The following PARP1 variants were observed in gnomAD, a reference collection of about 807,000 sequenced individuals.
PARP1 encodes the protein poly [ADP-ribose] polymerase 1.
Under a neutral mutation model 118.7 loss-of-function variants are expected in PARP1, and 44 were observed. That is an observed-to-expected ratio of 0.37 (90% CI 0.29 to 0.48). The LOEUF is 0.48. PARP1 is among the 20% of genes least tolerant of loss of function. The probability of loss-of-function intolerance (pLI) is 0.99; values close to 1 mark genes in which losing one functional copy is unlikely to be tolerated. For synonymous variants in PARP1, 492 were observed against 483.2 expected (o/e 1.02, Z -0.24); for missense variants, 1,100 against 1,272.4 (o/e 0.86, Z 2.06).
rs142376976 is a variant in PARP1, at chr1:226,390,577, C to A, written c.450G>T (p.Gln150His). 5.0e-4 allele frequency: 810 copies of A among 1,614,100 alleles called. 1 individual carries two copies. Among genetic ancestry groups the A allele is most frequent in the Non-Finnish European group, 6.6e-4 (783 of 1,180,046 alleles). Residue 150 changes from glutamine to histidine, a missense_variant, in exon 4 of 23, where the codon CAG becomes CAT. This residue lies in a region of PARP1 where 948 missense variants were observed against 1,031.8 expected (regional missense o/e 0.92). Transcript: ENST00000366794. ...GGTACCAGCGGTCAATCATGCCTAG[C>A]TGTGGCTTCTCCGGGTCCACCATCT... is the stretch of plus-strand genomic sequence containing the variant. ...SKKMVDPEKP[Q>H]LGMIDRWYHP...
chr1:226,367,398 G>C, intron 17 of PARP1, 82 bp downstream of exon 17: 1 of 1,524,492 alleles, frequency 6.6e-7, no homozygotes, highest in Non-Finnish European at 9.1e-7. Context: ...CTTTCCAGGA[G>C]ATCCTAACAC....
intron 7 of PARP1, among the ~76,000 whole-genome samples, chr1:226,384,430 C>A (rs930163750): frequency 2.6e-5 from 4 of 152,228 alleles, no homozygotes; most frequent in African/African-American, 9.6e-5. Flanking sequence ...CAAGCACTGC[C>A]AGACCAAAAA....
chr1:226,373,528 C>T (rs1206088479), intron 14 of PARP1, among the ~76,000 whole-genome samples: 2 of 152,050 alleles, frequency 1.3e-5, no homozygotes, highest in East Asian at 1.9e-4. Context: ...ATCTCCCGGG[C>T]GGAGAGCGGA....
chr1:226,366,856 C>T (rs1664278395), intron 17 of PARP1: 1 of 165,218 alleles, frequency 6.1e-6, no homozygotes, highest in African/African-American at 2.4e-5. Context: ...CCCACCCAAA[C>T]CCCTGCAACA....
At position 226,367,575 on chromosome 1, in the gene PARP1, T is replaced by C; in HGVS notation, c.2311A>G (p.Ile771Val). Residue 771 changes from isoleucine to valine, a missense_variant, in exon 17 of 23, where the codon ATC (isoleucine) becomes GTC (valine). Physicochemically the swap from Ile to Val is conservative, Grantham distance 29. Transcript: ENST00000366794. ...KVEMLDNLLD[I>V]EVAYSLLRGG... is the part of the protein sequence containing the mutation. ...CTGAGCAGACTGTAGGCCACCTCGATGTCCAGCAGGTTGTCAAGCATTTCC... is the reference window on the plus strand; with the variant it reads ...CTGAGCAGACTGTAGGCCACCTCGACGTCCAGCAGGTTGTCAAGCATTTCC... The C allele has an allele frequency of 6.2e-7, 1 of 1,614,182 alleles. No individual in the cohort carries two copies.
intron 3 of PARP1, 148 bp from the exon 4 acceptor site, chr1:226,390,772 G>A (rs1664808563): frequency 5.5e-6 from 4 of 733,276 alleles, no homozygotes; most frequent in South Asian, 3.0e-5. Context: ...CTTTTGAGAG[G>A]TTTAGCTCTC....
intron 12 of PARP1, among the ~76,000 whole-genome samples, chr1:226,377,904 T>TTG (rs1664526928): frequency 6.6e-6 from 1 of 152,018 alleles, no homozygotes; most frequent in Non-Finnish European, 1.5e-5. Context: ...CAACACTTAA[T>TTG]TGTCATTTCA....
chr1:226,367,690 T>G (rs1664299622), intron 16 of PARP1, 82 bp from the exon 17 acceptor site: 1 of 1,522,402 alleles, frequency 6.6e-7, no homozygotes, highest in Admixed American at 1.7e-5. Context: ...AAAACCTACA[T>G]GCAGAGAAGG....
chr1:226,386,419 G>GT lies in PARP1; in HGVS notation c.740dup (p.Asn247LysfsTer13), dbSNP rs1344431431. ...ACACTTTCTTTAGCTCGTCCTTGAT[G>GT]TTCCAGATCAGGTCGTTCTGAGCCT... is the stretch of plus-strand genomic sequence containing the variant. On this transcript the variant is annotated frameshift_variant, in exon 6 of 23. Transcript: ENST00000366794. LOFTEE classifies it high-confidence loss of function. 1 of 1,613,272 alleles carries GT rather than the reference G, an allele frequency of 6.2e-7. No individual in the cohort carries two copies. Among genetic ancestry groups the GT allele is most frequent in the African/African-American group, 1.3e-5 (1 of 74,926 alleles).
chr1:226,369,550 G>A (rs1313255287), intron 15 of PARP1, among the ~76,000 whole-genome samples: 2 of 152,184 alleles, frequency 1.3e-5, no homozygotes, highest in African/African-American at 2.4e-5. Context: ...TTGAACAATC[G>A]ATTTGAAGTA....
At chr1:226,392,698 C>T in intron 2 of PARP1, 1 of 543,158 alleles carries the variant, frequency 1.8e-6, no homozygotes, top group Non-Finnish European at 3.2e-6. Context: ...CATTATACTT[C>T]TATTTACCAA....
At chr1:226,385,717 C>G (rs200447443) in intron 6 of PARP1, 37 bp from the exon 7 acceptor site, 2 of 1,585,168 alleles carry the variant, frequency 1.3e-6, no homozygotes, top group East Asian at 4.5e-5. Flanking sequence ...AGGGCAAATG[C>G]GGGACTACAA....
At chr1:226,383,886 CAGTT>C (rs1664667897) in intron 7 of PARP1, among the ~76,000 whole-genome samples, 1 of 152,210 alleles carries the variant, frequency 6.6e-6, no homozygotes, top group African/African-American at 2.4e-5. Flanking sequence ...TTCAGGATGT[CAGTT>C]AGATACAAGA....
In PARP1 at chr1:226,379,559, T is replaced by C; in HGVS notation, c.1612+14A>G. 1 of 1,607,682 alleles carries C rather than the reference T, an allele frequency of 6.2e-7. No individual in the cohort carries two copies. Among genetic ancestry groups the C allele is most frequent in the Non-Finnish European group, 8.5e-7 (1 of 1,174,372 alleles). On this transcript the variant is annotated intron_variant, in intron 11 of 22. Transcript: ENST00000366794. ...GCGGCACAGCCCACTTTGCTGGCAG[T>C]CCTGTTTGCTTACCAGAATCAGGAT...
At chr1:226,407,109 G>C (rs1389159372) in intron 1 of PARP1, among the ~76,000 whole-genome samples, 1 of 152,136 alleles carries the variant, frequency 6.6e-6, no homozygotes, top group Non-Finnish European at 1.5e-5. Context: ...AACCTCAGAA[G>C]GGGATTCAAT....
intron 11 of PARP1, 143 bp from the exon 12 acceptor site, chr1:226,379,417 C>A: frequency 8.1e-7 from 1 of 1,237,136 alleles, no homozygotes; most frequent in Admixed American, 1.7e-5. Flanking sequence ...AATGTGTGTT[C>A]TCAGGACTGG....
chr1:226,371,548 C>G (rs1466242260), intron 14 of PARP1, among the ~76,000 whole-genome samples: 3 of 152,212 alleles, frequency 2.0e-5, no homozygotes, highest in African/African-American at 7.2e-5. Context: ...ACTGCAAACT[C>G]CATCCTAAGG....
intron 1 of PARP1, among the ~76,000 whole-genome samples, chr1:226,404,840 T>C (rs1253050654): frequency 6.6e-6 from 1 of 152,228 alleles, no homozygotes; most frequent in Non-Finnish European, 1.5e-5. Context: ...GCTGGTGAAC[T>C]GGGTTCCCTT....
rs767394876 is a variant in PARP1 at position 226,381,193 on chromosome 1, T to A, written c.1175A>T (p.Asn392Ile). The A allele has an allele frequency of 3.1e-6, 5 of 1,614,166 alleles. No homozygotes were observed. In the East Asian group the frequency reaches 1.1e-4, roughly 36 times the overall value. The change falls in exon 9 of 23, where the codon AAC becomes ATC. Residue 392 changes from asparagine (N) to isoleucine (I), a missense_variant. Physicochemically the swap from Asn to Ile is moderately radical, Grantham distance 149. Around this residue, in one of 2 missense-constraint regions of PARP1, gnomAD observed 948 missense variants for 1,031.8 expected, o/e 0.92. Transcript: ENST00000366794. ...SSASADKPLS[N>I]MKILTLGKLS... ...CTTCCCGAGAGTCAGGATCTTCATG[T>A]TGGATAATGGCTTATCTGGGATGAA...
Sources: gnomAD v4.1 joint callset for allele counts (sites outside exome capture counted in the v4.1 genomes callset) on GRCh38, gnomAD v4.1.1 for gene constraint, gnomAD v4.1.1 regional missense constraint, MANE v1.5 for transcripts, NCBI Gene and HGNC (gene_info 2026-07-23, HGNC 2026-07-21) for gene names.